Variants in COXFA4L2 observed in about 807,000 individuals in gnomAD.
The protein encoded by COXFA4L2 is cytochrome c oxidase hypoxia associated subunit FA4L2.
At chr12:57,237,288 G>A in the COXFA4L2 span, 1 of 1,434,316 alleles carries the variant, frequency 7.0e-7, no homozygotes, top group Non-Finnish European at 9.1e-7. Context: ...AATTGTCTGG[G>A]AGCCAAGTGG....
the COXFA4L2 span, among the ~76,000 whole-genome samples, chr12:57,238,564 G>A: frequency 1.3e-5 from 2 of 152,196 alleles, no homozygotes; most frequent in Non-Finnish European, 2.9e-5. This position sits in a 1 kb window ranked among gnomAD's most constrained non-coding sequence, Gnocchi z 6.8. Context: ...CAATCCCAGA[G>A]CTCAAACTCG....
chr12:57,237,270 T>A, the COXFA4L2 span: 2 of 1,446,870 alleles, frequency 1.4e-6, no homozygotes, highest in African/African-American at 2.9e-5. Context: ...GCCCAAAGCC[T>A]GTAGGGGAAT....
the COXFA4L2 span, chr12:57,237,014 G>A: frequency 6.2e-7 from 1 of 1,614,074 alleles, no homozygotes; most frequent in African/African-American, 1.3e-5. Context: ...AGGTTCTGAG[G>A]TTCTGAGGAC....
the COXFA4L2 span, chr12:57,236,565 C>T: frequency 6.5e-7 from 1 of 1,539,232 alleles, no homozygotes; most frequent in African/African-American, 1.4e-5. Context: ...ACCCAGGCCC[C>T]CGTGAGCATC....
At chr12:57,236,963 G>T in the COXFA4L2 span, 5 of 1,600,250 alleles carry the variant, frequency 3.1e-6, no homozygotes, top group East Asian at 6.7e-5. Flanking sequence ...CAAGGCATTG[G>T]GGGATTTGGA....
At chr12:57,234,918 GA>G in the COXFA4L2 span, 1 of 155,868 alleles carries the variant, frequency 6.4e-6, no homozygotes. Context: ...TTTGTTAAAT[GA>G]AATTGTATTT....
the COXFA4L2 span, chr12:57,237,364 G>A: frequency 2.2e-6 from 3 of 1,379,658 alleles, no homozygotes; most frequent in South Asian, 1.7e-5. Context: ...TCATTCTTGG[G>A]GCTTCTGGCA....
the COXFA4L2 span, chr12:57,237,155 G>A: frequency 1.9e-6 from 3 of 1,613,726 alleles, no homozygotes; most frequent in South Asian, 2.2e-5. Context: ...TCCCGCCCCT[G>A]AGTGGGGAGG....
chr12:57,236,172 C>A, the COXFA4L2 span: 1 of 330,774 alleles, frequency 3.0e-6, no homozygotes. Context: ...ATTATAAAGC[C>A]ATGGGTGCGC....
chr12:57,236,511 C>A, the COXFA4L2 span: 3 of 1,209,244 alleles, frequency 2.5e-6, no homozygotes, highest in Non-Finnish European at 3.4e-6. Context: ...CAGCAGGGCA[C>A]GGGATCCCCA....
the COXFA4L2 span, among the ~76,000 whole-genome samples, chr12:57,238,294 G>C: frequency 1.3e-5 from 2 of 152,138 alleles, no homozygotes; most frequent in Non-Finnish European, 2.9e-5. This position sits in a 1 kb window ranked among gnomAD's most constrained non-coding sequence, Gnocchi z 6.8. Context: ...TGACAAGCGC[G>C]GCTGTAATTA....
At chr12:57,235,772 G>A in the COXFA4L2 span, 151 of 1,580,662 alleles carry the variant, frequency 9.6e-5, 1 homozygote, top group Non-Finnish European at 1.3e-4. Flanking sequence ...TTGGGGCTCA[G>A]GCGGTTCCAG....
the COXFA4L2 span, chr12:57,240,646 C>T: frequency 1.0e-6 from 1 of 984,490 alleles, no homozygotes; most frequent in Non-Finnish European, 1.2e-6. Context: ...CACCCAGGCA[C>T]ACGCCTACGC....
At chr12:57,237,809 G>A in the COXFA4L2 span, 1 of 154,452 alleles carries the variant, frequency 6.5e-6, no homozygotes, top group East Asian at 1.9e-4. Flanking sequence ...GCCTACCTGG[G>A]GTAGGGTAAA....
chr12:57,236,346 T>A, the COXFA4L2 span: 4 of 482,892 alleles, frequency 8.3e-6, no homozygotes, highest in Non-Finnish European at 1.5e-5. Context: ...GGCGTCGTCA[T>A]GGCAACCCGG....
At chr12:57,236,305 C>T in the COXFA4L2 span, 10 of 461,498 alleles carry the variant, frequency 2.2e-5, no homozygotes, top group Non-Finnish European at 3.8e-6. Flanking sequence ...CTTAGAGGTA[C>T]CCAAAAGCCC....
chr12:57,237,838 G>A, the COXFA4L2 span: 2 of 154,452 alleles, frequency 1.3e-5, no homozygotes, highest in Middle Eastern at 5.1e-4. Context: ...CGCCCAAGGA[G>A]GCCATCCACT....
At chr12:57,235,055 A>C in the COXFA4L2 span, 2 of 159,832 alleles carry the variant, frequency 1.3e-5, no homozygotes, top group Non-Finnish European at 1.4e-5. Flanking sequence ...AGGCTTGGGC[A>C]GGGGAGGAGT....
At chr12:57,238,351 A>G in the COXFA4L2 span, among the ~76,000 whole-genome samples, 1 of 152,152 alleles carries the variant, frequency 6.6e-6, no homozygotes, top group East Asian at 1.9e-4. The surrounding 1 kb of genome is among the most constrained non-coding windows in gnomAD (Gnocchi z 6.8). Context: ...GGATAATGAG[A>G]TAAAGTGTCA....
Sources: allele counts gnomAD v4.1 joint callset (sites outside exome capture counted in the v4.1 genomes callset), GRCh38; gene constraint gnomAD v4.1.1; non-coding constraint Gnocchi (gnomAD v3.1); transcripts MANE v1.5; gene names NCBI Gene and HGNC (gene_info 2026-07-23, HGNC 2026-07-21).